NNT: variants seen among roughly 807,000 people sequenced by gnomAD.
NNT encodes NAD(P) transhydrogenase, mitochondrial.
Under a neutral mutation model 104.8 loss-of-function variants are expected in NNT, and 50 were observed. The observed-to-expected ratio is 0.48, with a 90% CI of 0.38 to 0.60. The LOEUF (loss-of-function observed/expected upper bound fraction) is 0.60. NNT is among the 20% of genes least tolerant of loss of function. The probability of loss-of-function intolerance (pLI) is 0.00; values close to 1 mark genes in which losing one functional copy is unlikely to be tolerated. For missense variants in NNT, 1,131 were observed against 1,330.7 expected, an observed-to-expected ratio of 0.85 and a Z score of 2.33; for synonymous variants, 461 against 490.4, an observed-to-expected ratio of 0.94 and a Z score of 0.79.
intron 7 of NNT, among the ~76,000 whole-genome samples, chr5:43,639,253 A>C (rs1414728892): frequency 2.0e-5 from 3 of 152,190 alleles, no homozygotes; most frequent in Non-Finnish European, 2.9e-5. Context: ...TCATTTATTG[A>C]GAAAATACAT....
intron 19 of NNT, among the ~76,000 whole-genome samples, chr5:43,689,238 T>C (rs955834528): frequency 6.6e-6 from 1 of 152,212 alleles, no homozygotes; most frequent in Non-Finnish European, 1.5e-5. Flanking sequence ...GATCGTTTGT[T>C]TTATTCTTGC....
At chr5:43,697,497 G>A (rs1192766579) in intron 19 of NNT, among the ~76,000 whole-genome samples, 1 of 152,164 alleles carries the variant, frequency 6.6e-6, no homozygotes, top group Admixed American at 6.5e-5. Context: ...CTGTTACCCA[G>A]TTCCAAAGTT....
rs192546891 is a variant in NNT at position 43,624,589 on chromosome 5, T to C, written c.776+469T>C. On this transcript the variant is annotated intron_variant, in intron 6 of 21. Coordinates refer to ENST00000344920, the MANE Select transcript of NNT (RefSeq NM_182977.3). The stretch of plus-strand genomic sequence containing the variant: ...TGCATTATTTATGCTTTCTGTGTTT[T>C]ATGTTAAGATAGAGCTGCATATATT... Among the ~76,000 whole-genome samples the C allele has an allele frequency of 3.5e-4, 53 of 152,384 alleles. 1 individual carries two copies. The highest frequency in any genetic ancestry group is 1.2e-3 in the African/African-American group (51 of 41,592).
chr5:43,623,934 G>C, intron 5 of NNT, 98 bp from the exon 6 acceptor site: 5 of 1,101,098 alleles, frequency 4.5e-6, no homozygotes, highest in Non-Finnish European at 7.0e-6. Context: ...GCCATTTATT[G>C]ATGCTAAACT....
At chr5:43,697,317 G>T (rs188256488) in intron 19 of NNT, among the ~76,000 whole-genome samples, 2 of 152,234 alleles carry the variant, frequency 1.3e-5, no homozygotes, top group African/African-American at 4.8e-5. Context: ...CTTTGCCCCA[G>T]TTCCCAACAA....
intron 11 of NNT, among the ~76,000 whole-genome samples, chr5:43,649,709 A>G (rs953584651): frequency 4.6e-5 from 7 of 152,260 alleles, no homozygotes; most frequent in Non-Finnish European, 7.4e-5. Context: ...CAAGGCTACA[A>G]TAGGCCCCAT....
At chr5:43,613,261 C>G in intron 3 of NNT, 124 bp downstream of exon 3, 2 of 725,712 alleles carry the variant, frequency 2.8e-6, no homozygotes, top group Non-Finnish European at 2.2e-6. Flanking sequence ...GTATTTTTCT[C>G]AAAGAAATGA....
chr5:43,684,323 A>G (rs556228739), intron 19 of NNT, among the ~76,000 whole-genome samples: 99 of 152,242 alleles, frequency 6.5e-4, no homozygotes, highest in African/African-American at 2.3e-3. Flanking sequence ...AGAAAAGTAC[A>G]AAGTGTTCTC....
Position 43,609,610 on chromosome 5 carries a change from A to G in NNT, c.151+264A>G, listed in dbSNP as rs550245358. ...ACCAGTTGAGTTGTCCCTGGAGCCTATTGCTCATAATAACCATTTCTCCTA... is the reference window on the plus strand; with the variant it reads ...ACCAGTTGAGTTGTCCCTGGAGCCTGTTGCTCATAATAACCATTTCTCCTA... On this transcript the variant is annotated intron_variant, in intron 2 of 21. Transcript: ENST00000344920. Among the ~76,000 whole-genome samples the G allele has an allele frequency of 8.3e-4, 127 of 152,382 alleles. 1 individual carries two copies. Among genetic ancestry groups the G allele is most frequent in the Non-Finnish European group, 1.3e-3 (90 of 68,038 alleles).
At chr5:43,680,500 A>T (rs1580104987) in intron 19 of NNT, among the ~76,000 whole-genome samples, 1 of 152,152 alleles carries the variant, frequency 6.6e-6, no homozygotes, top group East Asian at 1.9e-4. Flanking sequence ...ATGTGGTGAC[A>T]TATTCACACA....
chr5:43,689,890 G>T (rs908094824), intron 19 of NNT, among the ~76,000 whole-genome samples: 1 of 152,002 alleles, frequency 6.6e-6, no homozygotes, highest in Non-Finnish European at 1.5e-5. Flanking sequence ...TTCAGCAATA[G>T]AATCGAACAA....
intron 17 of NNT, among the ~76,000 whole-genome samples, chr5:43,664,717 A>C (rs1377584284): frequency 3.3e-5 from 5 of 152,368 alleles, no homozygotes; most frequent in Non-Finnish European, 7.3e-5. Flanking sequence ...TAGTCTCATT[A>C]ATCATTTAAG....
chr5:43,665,957 G>A (rs1407544847), intron 17 of NNT, among the ~76,000 whole-genome samples: 17 of 151,922 alleles, frequency 1.1e-4, no homozygotes, highest in Non-Finnish European at 1.0e-4. Flanking sequence ...CCCAGACGGG[G>A]TCGCGCCCCG....
intron 17 of NNT, among the ~76,000 whole-genome samples, chr5:43,671,735 C>T (rs978323479): frequency 6.6e-6 from 1 of 152,094 alleles, no homozygotes. Flanking sequence ...TTCATTTCAA[C>T]TTTGGTGAAT....
At position 43,609,226 on chromosome 5, in the gene NNT, G is replaced by T. The variant is rs770753254; in HGVS notation, c.31G>T (p.Gly11Cys). 6.2e-6 allele frequency: 10 copies of T among 1,613,972 alleles called. No individual in the cohort carries two copies. Among genetic ancestry groups the T allele is most frequent in the Non-Finnish European group, 8.5e-6 (10 of 1,179,918 alleles). The change falls in exon 2 of 22, where the codon GGC becomes TGC. Residue 11 changes from glycine to cysteine, a missense_variant. Coordinates refer to ENST00000344920, the MANE Select transcript of NNT (RefSeq NM_182977.3). ...AAACCTATTGAAAACAGTGGTGACT[G>T]GCTGCTCGTGTCCTCTACTTAGCAA... MANLLKTVVT[G>C]CSCPLLSNLG...
chr5:43,640,829 TATATA>T (rs1751195281), intron 7 of NNT, among the ~76,000 whole-genome samples: 1 of 150,770 alleles, frequency 6.6e-6, no homozygotes, highest in African/African-American at 2.4e-5. Flanking sequence ...TATATACACA[TATATA>T]ATATATACAT....
chr5:43,615,191 A>G (rs1017724095), intron 3 of NNT, among the ~76,000 whole-genome samples: 13 of 152,188 alleles, frequency 8.5e-5, no homozygotes, highest in African/African-American at 2.4e-4. Flanking sequence ...TAAAAAATGG[A>G]TATTGGAAAC....
chr5:43,693,884 A>G (rs1315841606), intron 19 of NNT, among the ~76,000 whole-genome samples: 1 of 152,224 alleles, frequency 6.6e-6, no homozygotes, highest in Non-Finnish European at 1.5e-5. Context: ...AACCCACTGA[A>G]GGAAGGGATG....
At chr5:43,678,436 G>A (rs551495804) in intron 19 of NNT, among the ~76,000 whole-genome samples, 10 of 152,276 alleles carry the variant, frequency 6.6e-5, no homozygotes, top group Middle Eastern at 3.4e-3. Context: ...CTGGATTAGC[G>A]TCAACTCAAA....
Sources: gnomAD v4.1 joint callset for allele counts (sites outside exome capture counted in the v4.1 genomes callset) on GRCh38, gnomAD v4.1.1 for gene constraint, MANE v1.5 for transcripts, NCBI Gene and HGNC (gene_info 2026-07-23, HGNC 2026-07-21) for gene names.